The following MAP2 variants were observed in gnomAD, a reference collection of about 807,000 sequenced individuals.
MAP2 encodes microtubule associated protein 2, also known as microtubule-associated protein 2.
MAP2 carries 14 observed loss-of-function variants against 137.6 expected under a neutral mutation model. The observed-to-expected ratio is 0.10, with a 90% confidence interval of 0.07 to 0.16. MAP2 has a LOEUF of 0.16. Among genes scored for constraint, MAP2 ranks in the 10% least tolerant of loss-of-function variants. The pLI, the probability that MAP2 is intolerant of heterozygous loss-of-function variation, is 1.00. For missense variants in MAP2, 2,088 were observed against 2,191.5 expected (o/e 0.95, Z 0.94); for synonymous variants, 786 against 782.3 (o/e 1.00, Z -0.08).
At chr2:209,525,462 A>G (rs2063892267) in intron 2 of MAP2, among the ~76,000 whole-genome samples, 1 of 152,182 alleles carries the variant, frequency 6.6e-6, no homozygotes, top group African/African-American at 2.4e-5. Context: ...CAGTGTATGA[A>G]GAATTGTTAT....
At chr2:209,607,388 A>G (rs1434458780) in intron 3 of MAP2, among the ~76,000 whole-genome samples, 1 of 152,006 alleles carries the variant, frequency 6.6e-6, no homozygotes, top group Non-Finnish European at 1.5e-5. Flanking sequence ...ATGGTAAACT[A>G]TTCCCTCCCT....
chr2:209,672,165 G>A (rs565163613), intron 5 of MAP2, among the ~76,000 whole-genome samples: 107 of 151,946 alleles, frequency 7.0e-4, no homozygotes, highest in African/African-American at 2.5e-3. Context: ...GGCTACAAAT[G>A]CTGAGTAGTA....
intron 2 of MAP2, among the ~76,000 whole-genome samples, chr2:209,561,493 T>A (rs2072074979): frequency 6.6e-6 from 1 of 152,198 alleles, no homozygotes; most frequent in South Asian, 2.1e-4. Context: ...GAGAAGTTAT[T>A]TAACCTCTCT....
intron 13 of MAP2, among the ~76,000 whole-genome samples, chr2:209,711,428 A>C (rs1285490876): frequency 6.6e-6 from 1 of 152,210 alleles, no homozygotes; most frequent in East Asian, 1.9e-4. Context: ...GGGAAAGCCC[A>C]AAGAGTTAAG....
chr2:209,693,366 TAGA>T lies in MAP2; in HGVS notation c.1201_1203del (p.Glu401del). 1 of 1,611,688 alleles carries T rather than the reference TAGA, an allele frequency of 6.2e-7. No homozygotes were observed. The highest frequency in any genetic ancestry group is 1.3e-5 in the African/African-American group (1 of 74,682). On this transcript the variant is annotated inframe_deletion, in exon 8 of 16. Coordinates refer to ENST00000682079, the MANE Select transcript of MAP2 (RefSeq NM_001375505.1). Reference sequence around the variant, plus strand: ...CCCAAAGATGCTCACATTCCAGTTGTAGAAGAACATGTTATGGGGAAAGTTTTA... The same window carrying T: ...CCCAAAGATGCTCACATTCCAGTTGTAGAACATGTTATGGGGAAAGTTTTA...
At chr2:209,558,227 C>T (rs1393568600) in intron 2 of MAP2, among the ~76,000 whole-genome samples, 1 of 152,092 alleles carries the variant, frequency 6.6e-6, no homozygotes, top group Non-Finnish European at 1.5e-5. Context: ...CTTGCTCTGT[C>T]ACCCAGGCTG....
At chr2:209,433,408 A>G (rs1278069821) in intron 1 of MAP2, among the ~76,000 whole-genome samples, 6 of 152,100 alleles carry the variant, frequency 3.9e-5, no homozygotes, top group Non-Finnish European at 1.5e-5. Flanking sequence ...AGAAAGACCA[A>G]TGGTACTGGA....
rs115827602 is a variant in MAP2 at position 209,643,535 on chromosome 2, C to G, written c.-29-9607C>G. On this transcript the variant is annotated intron_variant, in intron 4 of 15. Transcript: ENST00000682079. ...ACCCCACATCCACCTCCAAAATGAT[C>G]TAATGGTAAAGAAAATTGTAACTCA... Among the ~76,000 whole-genome samples, 1,072 of 152,268 alleles carry G rather than the reference C, an allele frequency of 7.0e-3. 12 individuals are homozygous for G. The highest frequency in any genetic ancestry group is 0.024 in the African/African-American group (1,008 of 41,542).
chr2:209,633,220 C>G (rs185560777), intron 4 of MAP2, among the ~76,000 whole-genome samples: 10 of 152,250 alleles, frequency 6.6e-5, no homozygotes, highest in African/African-American at 1.9e-4. Context: ...CCGTGTTCCC[C>G]TTGTCTGCCT....
rs139852235 is a variant in MAP2, at chr2:209,495,070, G to A, written c.-221-12522G>A. On this transcript the variant is annotated intron_variant, in intron 1 of 15. Transcript: ENST00000682079. The stretch of plus-strand genomic sequence containing the variant: ...AAGACATCGGTAAACAAAGCCACCC[G>A]AAGTTTGGACTGGGCGGAGCCCAGC... Among the ~76,000 whole-genome samples, 4 of 152,336 alleles carry A rather than the reference G, an allele frequency of 2.6e-5. 1 individual carries two copies. The East Asian group carries it at 5.8e-4, about 22-fold the overall frequency.
rs144814289 is a variant in MAP2 at position 209,531,002 on chromosome 2, A to G, written c.-172+23361A>G. Among the ~76,000 whole-genome samples the G allele has an allele frequency of 9.2e-5, 14 of 152,302 alleles. No homozygotes were observed. In the East Asian group the frequency reaches 2.5e-3, roughly 27 times the overall value. The stretch of plus-strand genomic sequence containing the variant: ...TTTAGCTGCTGATTGAATGAATGAA[A>G]TACAAATACAAAGTCCACTATTTTC... On this transcript the variant is annotated intron_variant, in intron 2 of 15. Coordinates refer to ENST00000682079, the MANE Select transcript of MAP2 (RefSeq NM_001375505.1).
chr2:209,653,520 C>A, intron 5 of MAP2, 88 bp downstream of exon 5: 1 of 1,333,686 alleles, frequency 7.5e-7, no homozygotes, highest in Non-Finnish European at 1.0e-6. Context: ...CAGCACTGAT[C>A]CTCTTTCACT....
chr2:209,701,820 CT>C (rs2061837357), intron 11 of MAP2, among the ~76,000 whole-genome samples: 1 of 151,852 alleles, frequency 6.6e-6, no homozygotes, highest in African/African-American at 2.4e-5. Context: ...ATCTCTTTAC[CT>C]TCTGTTTCCA....
intron 1 of MAP2, among the ~76,000 whole-genome samples, chr2:209,462,710 T>C (rs1205813178): frequency 6.6e-6 from 1 of 152,228 alleles, no homozygotes; most frequent in Non-Finnish European, 1.5e-5. Context: ...TAATTAGCTA[T>C]TAAACTAGTC....
intron 1 of MAP2, among the ~76,000 whole-genome samples, chr2:209,470,372 G>C (rs1054405868): frequency 6.6e-6 from 1 of 151,872 alleles, no homozygotes; most frequent in Non-Finnish European, 1.5e-5. Flanking sequence ...TTAGCAGTTT[G>C]AATTTGTGCT....
chr2:209,692,939 C>G lies in MAP2; in HGVS notation c.769C>G (p.Pro257Ala). The G allele has an allele frequency of 1.2e-6, 2 of 1,614,034 alleles. No homozygotes were observed. The highest frequency in any genetic ancestry group is 1.7e-6 in the Non-Finnish European group (2 of 1,179,978). The change falls in exon 8 of 16, where the codon CCA becomes GCA. Residue 257 changes from proline (P) to alanine (A), a missense_variant. This residue lies in a region of MAP2 where 859 missense variants were observed against 794.5 expected (regional missense o/e 1.08). Coordinates refer to ENST00000682079, the MANE Select transcript of MAP2 (RefSeq NM_001375505.1). ...TGGCATTGACCTCCCTAAAGAGCCTCCAACTCCAAAAGAACAAAAGGACTG... is the reference window on the plus strand; with the variant it reads ...TGGCATTGACCTCCCTAAAGAGCCTGCAACTCCAAAAGAACAAAAGGACTG... ...VPGIDLPKEP[P>A]TPKEQKDWFI...
chr2:209,576,291 T>C (rs2075359498), intron 2 of MAP2, among the ~76,000 whole-genome samples: 1 of 152,172 alleles, frequency 6.6e-6, no homozygotes, highest in South Asian at 2.1e-4. Flanking sequence ...TCGCCCAGGC[T>C]GGAGTGCAGT....
At chr2:209,729,122 A>G (rs2075188326) in intron 14 of MAP2, among the ~76,000 whole-genome samples, 1 of 152,212 alleles carries the variant, frequency 6.6e-6, no homozygotes, top group African/African-American at 2.4e-5. Context: ...GCACTGTTAT[A>G]ATCAGCAGAT....
chr2:209,595,914 T>C (rs779319514), intron 3 of MAP2, among the ~76,000 whole-genome samples: 2 of 152,006 alleles, frequency 1.3e-5, no homozygotes, highest in Non-Finnish European at 1.5e-5. Context: ...ATGAGAACAC[T>C]TGGACACAGG....
Sources: allele counts gnomAD v4.1 joint callset (sites outside exome capture counted in the v4.1 genomes callset), GRCh38; gene constraint gnomAD v4.1.1; regional missense constraint gnomAD v4.1.1; transcripts MANE v1.5; gene names NCBI Gene and HGNC (gene_info 2026-07-23, HGNC 2026-07-21).